The following CRACR2A variants were observed in gnomAD, a reference collection of about 807,000 sequenced individuals.
CRACR2A encodes EF-hand calcium-binding domain-containing protein 4B.
CRACR2A carries 79 observed loss-of-function variants against 90.5 expected under a neutral mutation model. The ratio of observed to expected loss-of-function variants is 0.87; its 90% CI spans 0.73 to 1.05. CRACR2A has a LOEUF of 1.05. Among genes scored for constraint, CRACR2A ranks in the 50% least tolerant of loss-of-function variants. The pLI is 0.00. For synonymous variants in CRACR2A, 338 were observed against 356.7 expected (o/e 0.95, Z 0.59); for missense variants, 823 against 897.2 (o/e 0.92, Z 1.06).
chr12:3,749,316 G>A (rs533652695), intron 1 of CRACR2A, among the ~76,000 whole-genome samples: 10 of 152,164 alleles, frequency 6.6e-5, no homozygotes, highest in Non-Finnish European at 1.5e-4. Context: ...GGCAGTGCCC[G>A]AGGTTGGATG....
At chr12:3,693,155 C>T (rs1031933577) in intron 4 of CRACR2A, among the ~76,000 whole-genome samples, 6 of 152,176 alleles carry the variant, frequency 3.9e-5, no homozygotes, top group South Asian at 2.1e-4. Context: ...CAAAGCAATG[C>T]GGGGGCTGCC....
At chr12:3,683,404 C>T (rs1053639336) in intron 4 of CRACR2A, among the ~76,000 whole-genome samples, 2 of 152,324 alleles carry the variant, frequency 1.3e-5, no homozygotes. Flanking sequence ...GCTTTTCACA[C>T]ACCTGGAAGG....
chr12:3,629,020 T>A lies in CRACR2A; in HGVS notation c.1736-1314A>T, dbSNP rs1383017961. 4.9e-4 allele frequency among the ~76,000 whole-genome samples: 75 copies of A among 152,194 alleles called. 1 individual carries two copies. The highest frequency in any genetic ancestry group is 2.9e-5 in the Non-Finnish European group (2 of 68,042). On this transcript the variant is annotated intron_variant, in intron 15 of 19. Transcript: ENST00000440314. ...CAGAGAGGAGTGCAATCGTCTGCGC[T>A]GAGAAAGTGATTTCTCCCATTAATA...
chr12:3,712,061 T>G (rs187660396), intron 3 of CRACR2A, among the ~76,000 whole-genome samples: 22 of 152,292 alleles, frequency 1.4e-4, no homozygotes, highest in African/African-American at 4.3e-4. Context: ...TATTTCCCCA[T>G]CAAACCCCTA....
intron 13 of CRACR2A, among the ~76,000 whole-genome samples, chr12:3,641,504 G>C (rs915803332): frequency 3.3e-5 from 5 of 152,192 alleles, no homozygotes; most frequent in Non-Finnish European, 5.9e-5. Flanking sequence ...GGGTGGGGCA[G>C]CCTCAGAAGA....
At chr12:3,638,030 ACCT>A in intron 14 of CRACR2A, 91 bp downstream of exon 14, 2 of 1,244,866 alleles carry the variant, frequency 1.6e-6, no homozygotes, top group Non-Finnish European at 2.2e-6. Context: ...GCAGCATCTG[ACCT>A]CCTGAGCTGC....
At position 3,638,423 on chromosome 12, in the gene CRACR2A, T is replaced by G. The variant is rs1308435772; in HGVS notation, c.1303A>C (p.Ile435Leu). 2 of 1,547,316 alleles carry G rather than the reference T, an allele frequency of 1.3e-6. No homozygotes were observed. Among genetic ancestry groups the G allele is most frequent in the Non-Finnish European group, 1.7e-6 (2 of 1,143,636 alleles). Residue 435 changes from isoleucine (I) to leucine (L), a missense_variant, in exon 14 of 20, where the codon ATC (isoleucine) becomes CTC (leucine). Ile to Leu is a conservative substitution (Grantham distance 5, BLOSUM62 2). Transcript: ENST00000440314. ...AGGCCCAGGGAGCTTCTCCTTGGGA[T>G]GCCAAACACCTCCTCCTCCTCCTCT... is the stretch of plus-strand genomic sequence containing the variant. ...QSEEEEEVFG[I>L]PRRSSLGLSG...
At chr12:3,688,599 G>A (rs747172509) in intron 4 of CRACR2A, among the ~76,000 whole-genome samples, 10 of 152,126 alleles carry the variant, frequency 6.6e-5, no homozygotes, top group East Asian at 1.9e-4. Context: ...TAGCCCTGTC[G>A]TATAGTTTGA....
chr12:3,696,808 AG>A lies in CRACR2A; in HGVS notation c.191del (p.Ala64ValfsTer41). 6.2e-7 allele frequency: 1 copy of A among 1,614,216 alleles called. No individual in the cohort carries two copies. Among genetic ancestry groups the A allele is most frequent in the Non-Finnish European group, 8.5e-7 (1 of 1,180,042 alleles). On this transcript the variant is annotated frameshift_variant, in exon 4 of 20. Coordinates refer to ENST00000440314, the MANE Select transcript of CRACR2A (RefSeq NM_001144958.2). LOFTEE classifies it high-confidence loss of function. Reference sequence around the variant, plus strand: ...TCCTGGCGATGAAGCCCTTGCCTTCAGCATCACAGGTCTGAAAGAACTCCTG... The same window carrying A: ...TCCTGGCGATGAAGCCCTTGCCTTCACATCACAGGTCTGAAAGAACTCCTG... ...KAQEFFQTCDAEGKGFIARKD... is the reference protein window; with the variant it reads ...KAQEFFQTCDXEGKGFIARKD...
intron 4 of CRACR2A, among the ~76,000 whole-genome samples, chr12:3,681,637 C>A (rs1041634670): frequency 1.3e-5 from 2 of 152,178 alleles, no homozygotes; most frequent in African/African-American, 4.8e-5. Context: ...GGTAACCGTG[C>A]GAAATTGCCA....
At chr12:3,681,878 G>A (rs1945460992) in intron 4 of CRACR2A, among the ~76,000 whole-genome samples, 1 of 152,230 alleles carries the variant, frequency 6.6e-6, no homozygotes, top group African/African-American at 2.4e-5. Flanking sequence ...GGGAAGACAG[G>A]CTGATGTGGA....
rs143321506 is a variant in CRACR2A, at chr12:3,618,398, G to A, written c.2034+873C>T. Among the ~76,000 whole-genome samples, 1,156 of 152,200 alleles carry A rather than the reference G, an allele frequency of 7.6e-3. 13 individuals are homozygous for A. The highest frequency in any genetic ancestry group is 0.026 in the African/African-American group (1,067 of 41,520). On this transcript the variant is annotated intron_variant, in intron 18 of 19. Coordinates refer to ENST00000440314, the MANE Select transcript of CRACR2A (RefSeq NM_001144958.2). ...TGAGGTTACAACCATGAATAGCCTC[G>A]TGTCATTTCTGGTCAGATTTTTCTG...
intron 2 of CRACR2A, among the ~76,000 whole-genome samples, chr12:3,718,969 G>T (rs1027163951): frequency 6.6e-6 from 1 of 152,190 alleles, no homozygotes; most frequent in African/African-American, 2.4e-5. Flanking sequence ...TTGAAAGTAG[G>T]AATAACACAG....
At chr12:3,658,263 C>T (rs1944954239) in intron 8 of CRACR2A, among the ~76,000 whole-genome samples, 1 of 152,128 alleles carries the variant, frequency 6.6e-6, no homozygotes, top group South Asian at 2.1e-4. Flanking sequence ...CACGTCTTTT[C>T]CTTTAGCTAG....
At chr12:3,656,461 T>C (rs1018634951) in intron 8 of CRACR2A, 55 bp from the exon 9 acceptor site, 4 of 1,569,844 alleles carry the variant, frequency 2.5e-6, no homozygotes, top group South Asian at 1.1e-5. Flanking sequence ...ACCCGGGTTA[T>C]AGATTTTTTT....
intron 1 of CRACR2A, among the ~76,000 whole-genome samples, chr12:3,738,561 G>A (rs1946481099): frequency 6.6e-6 from 1 of 152,134 alleles, no homozygotes; most frequent in African/African-American, 2.4e-5. Context: ...TAAACTGGAA[G>A]CTGGGTCAAT....
At chr12:3,726,681 C>G (rs1435513263) in intron 2 of CRACR2A, 2 of 151,964 alleles carry the variant, frequency 1.3e-5, no homozygotes, top group Non-Finnish European at 2.9e-5. Context: ...GATCCTGTCT[C>G]GTGAGCTCAG....
intron 15 of CRACR2A, among the ~76,000 whole-genome samples, chr12:3,628,547 G>T (rs1944320112): frequency 6.6e-6 from 1 of 152,222 alleles, no homozygotes; most frequent in African/African-American, 2.4e-5. Context: ...ACCCCAGAGA[G>T]AGGGGGCAAG....
At chr12:3,674,914 C>T (rs1368506201) in intron 6 of CRACR2A, among the ~76,000 whole-genome samples, 5 of 152,208 alleles carry the variant, frequency 3.3e-5, no homozygotes, top group Admixed American at 3.3e-4. Context: ...TCCTTCCATC[C>T]TTTCAACATA....
Sources: gnomAD v4.1 joint callset for allele counts (sites outside exome capture counted in the v4.1 genomes callset) on GRCh38, gnomAD v4.1.1 for gene constraint, MANE v1.5 for transcripts, NCBI Gene and HGNC (gene_info 2026-07-23, HGNC 2026-07-21) for gene names.